ASTN2: variants seen among roughly 807,000 people sequenced by gnomAD.
The protein encoded by ASTN2 is astrotactin 2, also known as astrotactin-2.
Under a neutral mutation model 139.8 loss-of-function variants are expected in ASTN2, and 54 were observed. The observed-to-expected ratio is 0.39, with a 90% CI of 0.31 to 0.48. The LOEUF (loss-of-function observed/expected upper bound fraction) is 0.48. Ranked by LOEUF, ASTN2 falls within the 20% of genes least tolerant of loss-of-function variation. The pLI is 0.95. For missense variants in ASTN2, 1,565 were observed against 1,725.1 expected, an observed-to-expected ratio of 0.91 and a Z score of 1.64; for synonymous variants, 756 against 719.5, an observed-to-expected ratio of 1.05 and a Z score of -0.81.
Position 116,651,655 on chromosome 9 carries a change from C to T in ASTN2, c.2945G>A (p.Arg982His), listed in dbSNP as rs139180322. Residue 982 changes from arginine (R) to histidine (H), a missense_variant, in exon 17 of 23, where the codon CGC becomes CAC. This residue lies in a region of ASTN2 where 418 missense variants were observed against 465.8 expected (regional missense o/e 0.90). Transcript: ENST00000313400. ...GVEIRCEEKG[R>H]CPSTCHLCRR... Reference sequence around the variant, plus strand: ...GCAAAGGTGACAGGTAGATGGACAGCGCCCCTTCTCCTCACAGCGAATCTC... The same window carrying T: ...GCAAAGGTGACAGGTAGATGGACAGTGCCCCTTCTCCTCACAGCGAATCTC... The T allele has an allele frequency of 3.0e-5, 49 of 1,614,020 alleles. No homozygotes were observed. Among genetic ancestry groups the T allele is most frequent in the Admixed American group, 6.7e-5 (4 of 60,004 alleles).
chr9:117,383,945 A>G (rs1830332374), intron 1 of ASTN2, among the ~76,000 whole-genome samples: 1 of 152,176 alleles, frequency 6.6e-6, no homozygotes, highest in South Asian at 2.1e-4. Context: ...CACTTCCATT[A>G]AATGATGAAA....
At chr9:116,831,207 A>G (rs1246271736) in intron 11 of ASTN2, among the ~76,000 whole-genome samples, 1 of 152,150 alleles carries the variant, frequency 6.6e-6, no homozygotes, top group Non-Finnish European at 1.5e-5. Flanking sequence ...GGGAGAATGG[A>G]AGGGTGGGAA....
chr9:117,046,522 C>G (rs1197961117), intron 5 of ASTN2, among the ~76,000 whole-genome samples: 1 of 152,112 alleles, frequency 6.6e-6, no homozygotes, highest in African/African-American at 2.4e-5. Context: ...TCTGTAAGCT[C>G]TCAATATATT....
rs115551931 is a variant in ASTN2, at chr9:117,338,606, A to C, written c.443-47093T>G. On this transcript the variant is annotated intron_variant, in intron 1 of 22. Transcript: ENST00000313400. Reference sequence around the variant, plus strand: ...CGTAGAAGAAAACGATCAATCATATAAGACAAAATAGGGGAAGGTGCTTCT... The same window carrying C: ...CGTAGAAGAAAACGATCAATCATATCAGACAAAATAGGGGAAGGTGCTTCT... Among the ~76,000 whole-genome samples the C allele has an allele frequency of 7.8e-3, 1,194 of 152,272 alleles. 11 individuals carry two copies. The highest frequency in any genetic ancestry group is 0.027 in the African/African-American group (1,124 of 41,564).
intron 4 of ASTN2, among the ~76,000 whole-genome samples, chr9:117,111,622 A>G (rs1312475166): frequency 2.0e-5 from 3 of 152,120 alleles, no homozygotes; most frequent in Non-Finnish European, 4.4e-5. Flanking sequence ...GAGATATAGA[A>G]TAATAAAAAT....
intron 6 of ASTN2, among the ~76,000 whole-genome samples, chr9:117,032,372 A>C (rs1838271757): frequency 6.6e-6 from 1 of 152,192 alleles, no homozygotes; most frequent in Non-Finnish European, 1.5e-5. Context: ...AGAAAAAGAC[A>C]GAAGCCATAT....
rs979622384 is a variant in ASTN2 at position 116,902,367 on chromosome 9, C to T, written c.1890-38634G>A. Among the ~76,000 whole-genome samples, 7 of 152,192 alleles carry T rather than the reference C, an allele frequency of 4.6e-5. No homozygotes were observed. The South Asian group carries it at 1.5e-3, about 32-fold the overall frequency. ...TATAAAGAAAGAAAATATTTTTGTACAGCTGTACAATGTGTTTGTGTTTCA... is the reference window on the plus strand; with the variant it reads ...TATAAAGAAAGAAAATATTTTTGTATAGCTGTACAATGTGTTTGTGTTTCA... On this transcript the variant is annotated intron_variant, in intron 10 of 22. Coordinates refer to ENST00000313400, the MANE Select transcript of ASTN2 (RefSeq NM_001365068.1).
intron 20 of ASTN2, among the ~76,000 whole-genome samples, chr9:116,471,284 T>C (rs1297708755): frequency 6.6e-6 from 1 of 152,194 alleles, no homozygotes; most frequent in African/African-American, 2.4e-5. Flanking sequence ...GAGAGTCAGA[T>C]AGGCAGCTCA....
At chr9:117,079,032 G>A (rs1017040477) in intron 5 of ASTN2, among the ~76,000 whole-genome samples, 14 of 152,092 alleles carry the variant, frequency 9.2e-5, no homozygotes, top group Admixed American at 2.0e-4. Context: ...CACTGCACCC[G>A]GCCATCAACT....
chr9:116,436,627 C>A (rs1190437044), intron 22 of ASTN2, among the ~76,000 whole-genome samples: 1 of 152,022 alleles, frequency 6.6e-6, no homozygotes, highest in African/African-American at 2.4e-5. Flanking sequence ...TAGGGTGTGA[C>A]AGAGCAAATG....
chr9:117,128,371 CAAAAAAAAAAAAAAAAAAA>C (rs1167187783), intron 4 of ASTN2, among the ~76,000 whole-genome samples: 1 of 66,414 alleles, frequency 1.5e-5, no homozygotes, highest in Non-Finnish European at 2.7e-5. Context: ...GACACTGTCT[CAAAAAAAAAAAAAAAAAAA>C]AAAAAAAAAA....
chr9:116,862,589 G>T (rs1337921659), intron 11 of ASTN2, among the ~76,000 whole-genome samples: 1 of 152,146 alleles, frequency 6.6e-6, no homozygotes, highest in Non-Finnish European at 1.5e-5. Flanking sequence ...GAAGGTACAA[G>T]AAAAGGTTCT....
chr9:116,614,135 G>C lies in ASTN2; in HGVS notation c.3355+4189C>G, dbSNP rs527784797. On this transcript the variant is annotated intron_variant, in intron 19 of 22. Coordinates refer to ENST00000313400, the MANE Select transcript of ASTN2 (RefSeq NM_001365068.1). ...CTCCCATTCACAATTGCTTCAAAGAGAATAAAATACCTAGGAATCCAACTT... is the reference window on the plus strand; with the variant it reads ...CTCCCATTCACAATTGCTTCAAAGACAATAAAATACCTAGGAATCCAACTT... 5.9e-5 allele frequency among the ~76,000 whole-genome samples: 9 copies of C among 152,214 alleles called. No homozygotes were observed. In the South Asian group the frequency reaches 1.9e-3, roughly 32 times the overall value.
intron 5 of ASTN2, among the ~76,000 whole-genome samples, chr9:117,057,192 G>A (rs1446627878): frequency 6.6e-6 from 1 of 152,132 alleles, no homozygotes; most frequent in Non-Finnish European, 1.5e-5. Flanking sequence ...AATTATCATG[G>A]TTCCTCCTAG....
chr9:116,772,307 G>GTC (rs1564258576), intron 13 of ASTN2, among the ~76,000 whole-genome samples: 1 of 152,130 alleles, frequency 6.6e-6, no homozygotes. Flanking sequence ...TAGTGAGTAA[G>GTC]TCTCACGAGA....
At chr9:117,413,341 C>T (rs1340955706) in intron 1 of ASTN2, among the ~76,000 whole-genome samples, 1 of 152,236 alleles carries the variant, frequency 6.6e-6, no homozygotes, top group East Asian at 1.9e-4. Context: ...ACCTGCGGTG[C>T]CCGAGGCGGA....
chr9:116,705,208 CTG>C (rs1827960301), intron 16 of ASTN2, among the ~76,000 whole-genome samples: 1 of 152,148 alleles, frequency 6.6e-6, no homozygotes, highest in African/African-American at 2.4e-5. Context: ...CTAGTAATGA[CTG>C]TTTCACATTT....
intron 2 of ASTN2, among the ~76,000 whole-genome samples, chr9:117,284,064 A>G (rs1173339701): frequency 6.6e-6 from 1 of 152,202 alleles, no homozygotes; most frequent in African/African-American, 2.4e-5. Flanking sequence ...CCTAACCCTC[A>G]GTACTTCAGA....
intron 10 of ASTN2, among the ~76,000 whole-genome samples, chr9:116,896,656 C>T (rs1476354510): frequency 1.3e-5 from 2 of 152,160 alleles, no homozygotes; most frequent in Admixed American, 6.5e-5. Flanking sequence ...GTTTAATTGA[C>T]TCACAGTTCC....
Sources: gnomAD v4.1 joint callset for allele counts (sites outside exome capture counted in the v4.1 genomes callset) on GRCh38, gnomAD v4.1.1 for gene constraint, gnomAD v4.1.1 regional missense constraint, MANE v1.5 for transcripts, NCBI Gene and HGNC (gene_info 2026-07-23, HGNC 2026-07-21) for gene names.